The following SOX5 variants were observed in gnomAD, a reference collection of about 807,000 sequenced individuals.
SOX5 encodes the protein SRY-box transcription factor 5, also known as transcription factor SOX-5.
Under a neutral mutation model 92.0 loss-of-function variants are expected in SOX5, and 9 were observed. The observed-to-expected ratio is 0.10, with a 90% CI of 0.06 to 0.17. SOX5 has a LOEUF of 0.17. SOX5 is among the 10% of genes least tolerant of loss of function. SOX5 has a pLI of 1.00. For synonymous variants in SOX5, 344 were observed against 336.3 expected (o/e 1.02, Z -0.25); for missense variants, 642 against 944.5 (o/e 0.68, Z 4.20).
intron 1 of SOX5, among the ~76,000 whole-genome samples, chr12:24,405,301 T>A (rs753875136): frequency 5.3e-5 from 8 of 152,104 alleles, no homozygotes; most frequent in Non-Finnish European, 7.4e-5. Context: ...CATGGGGGGG[T>A]ATACTATTTG....
chr12:24,493,099 T>G (rs986097749), intron 1 of SOX5, among the ~76,000 whole-genome samples: 1 of 152,176 alleles, frequency 6.6e-6, no homozygotes, highest in Admixed American at 6.5e-5. Context: ...TATTTTTTTT[T>G]AATCAGACTT....
At chr12:24,153,147 C>T (rs1382106074) in intron 4 of SOX5, among the ~76,000 whole-genome samples, 1 of 152,152 alleles carries the variant, frequency 6.6e-6, no homozygotes, top group Non-Finnish European at 1.5e-5. Flanking sequence ...TCCCATTGTG[C>T]TTTCAATTTA....
At chr12:23,910,458 T>A (rs917507903) in intron 1 of SOX5, among the ~76,000 whole-genome samples, 1 of 152,142 alleles carries the variant, frequency 6.6e-6, no homozygotes, top group Non-Finnish European at 1.5e-5. Flanking sequence ...CATTTCCTAT[T>A]TTCAAGTTTG....
At chr12:23,702,531 T>A (rs2090806079) in intron 6 of SOX5, among the ~76,000 whole-genome samples, 1 of 152,088 alleles carries the variant, frequency 6.6e-6, no homozygotes. Context: ...TATTAACTCC[T>A]GCTGATATCA....
At chr12:24,022,229 G>A (rs569837810) in intron 4 of SOX5, among the ~76,000 whole-genome samples, 5 of 152,276 alleles carry the variant, frequency 3.3e-5, no homozygotes, top group African/African-American at 9.6e-5. Flanking sequence ...CTGAGGAAGT[G>A]ATACTTTTTT....
chr12:24,106,000 C>T (rs1946622641), intron 4 of SOX5, among the ~76,000 whole-genome samples: 1 of 151,786 alleles, frequency 6.6e-6, no homozygotes, highest in Non-Finnish European at 1.5e-5. Context: ...AAACCTTTGC[C>T]CTTGGGATAG....
At chr12:24,394,418 A>G (rs1176896221) in intron 1 of SOX5, among the ~76,000 whole-genome samples, 1 of 152,158 alleles carries the variant, frequency 6.6e-6, no homozygotes, top group Non-Finnish European at 1.5e-5. Context: ...CCCGGCCGCC[A>G]CTGATGTTGC....
chr12:24,441,259 A>G (rs1940525297), intron 1 of SOX5, among the ~76,000 whole-genome samples: 1 of 152,150 alleles, frequency 6.6e-6, no homozygotes. Flanking sequence ...ATCATCCTAC[A>G]CTGCGTGTGC....
chr12:23,893,088 G>C lies in SOX5; in HGVS notation c.270+2705C>G, dbSNP rs534136743. Reference sequence around the variant, plus strand: ...CTCAAATCTATTTCCGTAGTGTCTAGCACAAAACATGGTACAGTGTAGGCA... The same window carrying C: ...CTCAAATCTATTTCCGTAGTGTCTACCACAAAACATGGTACAGTGTAGGCA... On this transcript the variant is annotated intron_variant, in intron 2 of 14. Transcript: ENST00000451604. Among the ~76,000 whole-genome samples, 4 of 152,302 alleles carry C rather than the reference G, an allele frequency of 2.6e-5. No individual in the cohort carries two copies. The East Asian group carries it at 5.8e-4, about 22-fold the overall frequency.
chr12:24,399,242 C>T (rs1423868730), intron 1 of SOX5, among the ~76,000 whole-genome samples: 4 of 152,110 alleles, frequency 2.6e-5, no homozygotes. Context: ...CTGCCTACAG[C>T]GTCTCCCCAT....
intron 2 of SOX5, among the ~76,000 whole-genome samples, chr12:24,281,220 T>A (rs1290480478): frequency 2.8e-5 from 4 of 141,058 alleles, no homozygotes; most frequent in Non-Finnish European, 4.5e-5. Context: ...TCTATACGGT[T>A]ATAAAATTAC....
chr12:23,608,592 C>A (rs1013212272), intron 8 of SOX5, among the ~76,000 whole-genome samples: 5 of 152,106 alleles, frequency 3.3e-5, no homozygotes, highest in Non-Finnish European at 5.9e-5. Context: ...TAGTGGAAAA[C>A]TTAAAAAGCA....
chr12:24,331,188 T>C (rs1015680397), intron 2 of SOX5: 2 of 152,158 alleles, frequency 1.3e-5, no homozygotes, highest in African/African-American at 4.8e-5. Flanking sequence ...TAAAAAAAAG[T>C]AGGCCAGCTG....
intron 1 of SOX5, among the ~76,000 whole-genome samples, chr12:24,552,267 T>C (rs1237083062): frequency 1.3e-5 from 2 of 152,252 alleles, no homozygotes; most frequent in Non-Finnish European, 2.9e-5. Flanking sequence ...ATCTTGGCAC[T>C]ACCACTATTC....
chr12:24,339,416 G>A (rs573811848), intron 2 of SOX5, among the ~76,000 whole-genome samples: 4 of 152,264 alleles, frequency 2.6e-5, no homozygotes, highest in Non-Finnish European at 5.9e-5. Context: ...AGGCCTGCAG[G>A]TGAGAGGGGC....
intron 1 of SOX5, among the ~76,000 whole-genome samples, chr12:24,397,830 GTTATTA>G (rs962271900): frequency 6.6e-6 from 1 of 151,374 alleles, no homozygotes; most frequent in Non-Finnish European, 1.5e-5. Flanking sequence ...AAATATTATT[GTTATTA>G]TTATTATTTA....
chr12:24,057,062 A>G (rs1216336602), intron 4 of SOX5, among the ~76,000 whole-genome samples: 3 of 151,364 alleles, frequency 2.0e-5, no homozygotes, highest in African/African-American at 4.8e-5. Context: ...TTCTATAGTT[A>G]GATAACTTAA....
chr12:24,507,006 G>A (rs907488939), intron 1 of SOX5, among the ~76,000 whole-genome samples: 2 of 151,504 alleles, frequency 1.3e-5, no homozygotes, highest in African/African-American at 4.9e-5. Flanking sequence ...TAGCCAGGAT[G>A]GTCTCGATTT....
intron 1 of SOX5, among the ~76,000 whole-genome samples, chr12:24,512,589 T>C (rs574269384): frequency 6.6e-6 from 1 of 152,168 alleles, no homozygotes; most frequent in African/African-American, 2.4e-5. Context: ...TGGTGGAGAG[T>C]GCAATACAAC....
Sources: allele counts gnomAD v4.1 joint callset (sites outside exome capture counted in the v4.1 genomes callset), GRCh38; gene constraint gnomAD v4.1.1; transcripts MANE v1.5; gene names NCBI Gene and HGNC (gene_info 2026-07-23, HGNC 2026-07-21).